Variants in SNTG1 observed in about 807,000 individuals in gnomAD.
The protein encoded by SNTG1 is syntrophin gamma 1, also known as gamma-1-syntrophin.
A neutral mutation model predicts 74.7 loss-of-function variants in SNTG1; 39 were observed. That is an observed-to-expected ratio of 0.52 (90% CI 0.40 to 0.68). The LOEUF is 0.68. Ranked by LOEUF, SNTG1 falls within the 30% of genes least tolerant of loss-of-function variation. The pLI, the probability that SNTG1 is intolerant of heterozygous loss-of-function variation, is 0.00. For synonymous variants in SNTG1, 254 were observed against 217.1 expected (o/e 1.17, Z -1.49); for missense variants, 685 against 609.5 (o/e 1.12, Z -1.30).
At chr8:50,342,630 T>G (rs2091351047) in intron 2 of SNTG1, among the ~76,000 whole-genome samples, 1 of 152,178 alleles carries the variant, frequency 6.6e-6, no homozygotes, top group African/African-American at 2.4e-5. Flanking sequence ...TTTTTAAAAA[T>G]CTGTCATTCA....
In SNTG1 at chr8:50,693,044, C is replaced by T. The variant is rs537678458; in HGVS notation, c.1039-11556C>T. Among the ~76,000 whole-genome samples the T allele has an allele frequency of 9.1e-4, 139 of 152,336 alleles. 2 individuals are homozygous for T. Among genetic ancestry groups the T allele is most frequent in the Middle Eastern group, 6.8e-3 (2 of 294 alleles). On this transcript the variant is annotated intron_variant, in intron 15 of 18. Coordinates refer to ENST00000642720, the MANE Select transcript of SNTG1 (RefSeq NM_018967.5). ...AGCAAGACTCCGTGGGCATAGGACCCTCTGAGCCAGGTGCAGGATATAATC... is the reference window on the plus strand; with the variant it reads ...AGCAAGACTCCGTGGGCATAGGACCTTCTGAGCCAGGTGCAGGATATAATC...
intron 1 of SNTG1, among the ~76,000 whole-genome samples, chr8:50,006,241 G>A (rs760119290): frequency 7.9e-5 from 12 of 152,148 alleles, no homozygotes; most frequent in East Asian, 1.9e-4. Flanking sequence ...GATTACAGGC[G>A]TGAGCCACCG....
intron 18 of SNTG1, among the ~76,000 whole-genome samples, chr8:50,773,799 TAAA>T (rs2095633265): frequency 6.6e-6 from 1 of 152,098 alleles, no homozygotes; most frequent in Non-Finnish European, 1.5e-5. Context: ...CACTTACTAG[TAAA>T]ATAATTTCAA....
At chr8:50,208,251 T>C (rs990418071) in intron 2 of SNTG1, among the ~76,000 whole-genome samples, 6 of 152,230 alleles carry the variant, frequency 3.9e-5, no homozygotes, top group African/African-American at 1.4e-4. Context: ...TGTGTGCTCC[T>C]ATATTGGGTG....
intron 8 of SNTG1, among the ~76,000 whole-genome samples, chr8:50,467,381 G>A (rs373367144): frequency 2.4e-4 from 37 of 151,564 alleles, no homozygotes; most frequent in South Asian, 8.3e-4. Context: ...TTCTTCTTGC[G>A]GAAATTTACC....
intron 18 of SNTG1, among the ~76,000 whole-genome samples, chr8:50,783,690 G>T (rs2131842794): frequency 6.6e-6 from 1 of 152,272 alleles, no homozygotes; most frequent in South Asian, 2.1e-4. Flanking sequence ...CTTGTGCACG[G>T]TGCGCTGCAC....
rs556950871 is a variant in SNTG1, at chr8:50,184,385, C to T, written c.-28+11750C>T. 1.6e-4 allele frequency among the ~76,000 whole-genome samples: 24 copies of T among 152,164 alleles called. No homozygotes were observed. The South Asian group carries it at 3.9e-3, about 25-fold the overall frequency. On this transcript the variant is annotated intron_variant, in intron 2 of 18. Coordinates refer to ENST00000642720, the MANE Select transcript of SNTG1 (RefSeq NM_018967.5). ...TTCACCATGTTGGTCAGGCTGGTCT[C>T]CAACTCCTGACCTCATGATCTGCCT...
At chr8:50,426,764 A>G (rs559201633) in intron 4 of SNTG1, among the ~76,000 whole-genome samples, 1 of 152,190 alleles carries the variant, frequency 6.6e-6, no homozygotes, top group East Asian at 1.9e-4. Context: ...TCACTGCCTC[A>G]CCTAGAGCAA....
intron 12 of SNTG1, among the ~76,000 whole-genome samples, chr8:50,582,338 A>T (rs2094615684): frequency 6.6e-6 from 1 of 152,180 alleles, no homozygotes; most frequent in African/African-American, 2.4e-5. Context: ...TGCAGTATAG[A>T]CTGAGACAGA....
intron 17 of SNTG1, among the ~76,000 whole-genome samples, chr8:50,746,703 C>A (rs563000557): frequency 4.0e-5 from 6 of 151,412 alleles, no homozygotes; most frequent in African/African-American, 1.4e-4. Context: ...GACAAGACAC[C>A]ATACTAATGT....
At chr8:50,334,724 A>T (rs1024223392) in intron 2 of SNTG1, among the ~76,000 whole-genome samples, 1 of 152,284 alleles carries the variant, frequency 6.6e-6, no homozygotes, top group Admixed American at 6.5e-5. Context: ...ATTTCTTTAT[A>T]AAATAATAAA....
At position 50,337,069 on chromosome 8, in the gene SNTG1, G is replaced by C. The variant is rs184420620; in HGVS notation, c.-27-57143G>C. 5.3e-5 allele frequency among the ~76,000 whole-genome samples: 8 copies of C among 152,148 alleles called. No individual in the cohort carries two copies. In the East Asian group the frequency reaches 1.2e-3, roughly 22 times the overall value. On this transcript the variant is annotated intron_variant, in intron 2 of 18. Transcript: ENST00000642720. The stretch of plus-strand genomic sequence containing the variant: ...GATAGTCCCCCTGGCTTTTTTCCCT[G>C]CATTGCATCAGATTAGAAAAATGAG...
At chr8:50,765,155 A>T (rs2095610552) in intron 18 of SNTG1, among the ~76,000 whole-genome samples, 1 of 152,028 alleles carries the variant, frequency 6.6e-6, no homozygotes, top group African/African-American at 2.4e-5. Context: ...GTTAGACTAG[A>T]GTAAGAGATG....
Position 49,943,516 on chromosome 8 carries a change from G to T in SNTG1, c.-103+31285G>T, listed in dbSNP as rs185867936. 8.5e-5 allele frequency among the ~76,000 whole-genome samples: 13 copies of T among 152,344 alleles called. No homozygotes were observed. In the East Asian group the frequency reaches 2.5e-3, roughly 29 times the overall value. On this transcript the variant is annotated intron_variant, in intron 1 of 18. Transcript: ENST00000642720. ...TGTTCAGGCTAGGAGAATGGATTTA[G>T]GATACAAGGTATGAGTGTGGAAGGA...
chr8:50,708,555 G>A (rs1035409661), intron 16 of SNTG1: 15 of 221,774 alleles, frequency 6.8e-5, no homozygotes, highest in Non-Finnish European at 1.3e-4. Flanking sequence ...ACATAAACTT[G>A]CCTACACCTA....
chr8:50,263,100 T>C (rs574943706), intron 2 of SNTG1, among the ~76,000 whole-genome samples: 23 of 152,338 alleles, frequency 1.5e-4, no homozygotes, highest in Middle Eastern at 3.4e-3. Flanking sequence ...AATGTAACTA[T>C]GAACTTTTCG....
intron 1 of SNTG1, among the ~76,000 whole-genome samples, chr8:49,956,152 A>G (rs899874460): frequency 1.3e-5 from 2 of 152,178 alleles, no homozygotes; most frequent in African/African-American, 4.8e-5. Flanking sequence ...GGTTACTTTC[A>G]TTTTGCAGAA....
chr8:50,542,321 A>G (rs1485619096), intron 11 of SNTG1, among the ~76,000 whole-genome samples: 2 of 151,476 alleles, frequency 1.3e-5, no homozygotes, highest in Non-Finnish European at 2.9e-5. Flanking sequence ...ATGCCCTGCT[A>G]ATTTTTTGTA....
At chr8:50,764,813 G>A (rs1166697735) in intron 18 of SNTG1, among the ~76,000 whole-genome samples, 1 of 151,888 alleles carries the variant, frequency 6.6e-6, no homozygotes, top group South Asian at 2.1e-4. Flanking sequence ...GTATATTGAA[G>A]AGACATCTGC....
Sources: gnomAD v4.1 joint callset for allele counts (sites outside exome capture counted in the v4.1 genomes callset) on GRCh38, gnomAD v4.1.1 for gene constraint, MANE v1.5 for transcripts, NCBI Gene and HGNC (gene_info 2026-07-23, HGNC 2026-07-21) for gene names.